Variants in AEBP2 observed in about 807,000 individuals in gnomAD.
AEBP2 encodes the protein zinc finger protein AEBP2.
Under a neutral mutation model 50.8 loss-of-function variants are expected in AEBP2, and 10 were observed. That is an observed-to-expected ratio of 0.20 (90% CI 0.12 to 0.33). The LOEUF (loss-of-function observed/expected upper bound fraction) is 0.33. Ranked by LOEUF, AEBP2 falls within the 10% of genes least tolerant of loss-of-function variation. AEBP2 has a pLI of 1.00. For synonymous variants in AEBP2, 296 were observed against 261.3 expected (o/e 1.13, Z -1.28); for missense variants, 570 against 688.0 (o/e 0.83, Z 1.92).
rs1347770164 is a variant in AEBP2 at position 19,500,120 on chromosome 12, G to T, written c.1198G>T (p.Ala400Ser). 1.2e-6 allele frequency: 2 copies of T among 1,606,128 alleles called. No homozygotes were observed. The highest frequency in any genetic ancestry group is 2.7e-5 in the African/African-American group (2 of 74,728). Residue 400 changes from alanine to serine, a missense_variant, in exon 5 of 8, where the codon GCA becomes TCA. By Grantham distance (99) the Ala-to-Ser change is moderately conservative. Transcript: ENST00000266508. ...SLPRPHDFFD[A>S]QTLDAIRHRA... Reference sequence around the variant, plus strand: ...AGCACGGCCACATGATTTCTTCGATGCACAAACACTGGATGCGATAAGACA... The same window carrying T: ...AGCACGGCCACATGATTTCTTCGATTCACAAACACTGGATGCGATAAGACA...
chr12:19,439,070 G>A (rs1361473280), upstream of AEBP2, among the ~76,000 whole-genome samples: 1 of 152,118 alleles, frequency 6.6e-6, no homozygotes, highest in Non-Finnish European at 1.5e-5. Context: ...TCAAACATAG[G>A]GTGTATTAAA....
intron 5 of AEBP2, among the ~76,000 whole-genome samples, chr12:19,509,989 C>T (rs2120585845): frequency 6.6e-6 from 1 of 151,954 alleles, no homozygotes. Context: ...TGCACCATCA[C>T]ACCTGGCTAA....
chr12:19,508,341 G>A (rs1005190975), intron 5 of AEBP2, among the ~76,000 whole-genome samples: 2 of 152,136 alleles, frequency 1.3e-5, no homozygotes, highest in Admixed American at 6.6e-5. Flanking sequence ...GATTATAGGT[G>A]TGAGCCACTG....
In AEBP2 at chr12:19,518,813, T is replaced by C. The variant is rs900403300; in HGVS notation, c.*696T>C. On this transcript the variant is annotated 3_prime_UTR_variant, in exon 8 of 8. Transcript: ENST00000266508. Reference sequence around the variant, plus strand: ...TGCAGTATGTCTGGTGGCTCCCTTTTCAGGACTAGGGCTTTCTCATGGAGT... The same window carrying C: ...TGCAGTATGTCTGGTGGCTCCCTTTCCAGGACTAGGGCTTTCTCATGGAGT... 9.1e-7 allele frequency: 1 copy of C among 1,099,438 alleles called. No homozygotes were observed. The highest frequency in any genetic ancestry group is 1.6e-5 in the African/African-American group (1 of 64,210). The allele number at this position is 1,099,438 out of a possible 1,614,324, so 68.1% of individuals were successfully genotyped here. A position where few individuals can be genotyped will look rare whatever the true frequency, so the allele number is the denominator to read the frequency against.
intron 2 of AEBP2, among the ~76,000 whole-genome samples, chr12:19,472,940 A>G (rs1022716659): frequency 1.3e-5 from 2 of 152,142 alleles, no homozygotes; most frequent in Non-Finnish European, 1.5e-5. Flanking sequence ...AGTAAATACA[A>G]AAATGTAAAT....
intron 5 of AEBP2, among the ~76,000 whole-genome samples, chr12:19,508,440 TC>T (rs1361113171): frequency 6.6e-6 from 1 of 152,190 alleles, no homozygotes; most frequent in African/African-American, 2.4e-5. Context: ...TAATATGTTT[TC>T]AGGATTACAA....
intron 1 of AEBP2, among the ~76,000 whole-genome samples, chr12:19,444,629 A>G (rs542710912): frequency 1.3e-5 from 2 of 152,318 alleles, no homozygotes; most frequent in African/African-American, 2.4e-5. Flanking sequence ...TTCCTCAACT[A>G]CAAAACAGGT....
At chr12:19,480,625 C>G (rs1372243585) in intron 3 of AEBP2, among the ~76,000 whole-genome samples, 1 of 152,198 alleles carries the variant, frequency 6.6e-6, no homozygotes, top group Non-Finnish European at 1.5e-5. Flanking sequence ...CCAGTCTCTT[C>G]TGGCTTGTAA....
intron 3 of AEBP2, among the ~76,000 whole-genome samples, chr12:19,486,547 C>T (rs554955565): frequency 7.9e-5 from 12 of 152,034 alleles, no homozygotes; most frequent in Non-Finnish European, 1.5e-4. Flanking sequence ...TGTGCTACCA[C>T]GTCCAGCTAA....
intron 5 of AEBP2, among the ~76,000 whole-genome samples, chr12:19,505,061 G>A (rs1227425591): frequency 1.3e-5 from 2 of 152,264 alleles, no homozygotes; most frequent in South Asian, 2.1e-4. Context: ...ATCTAAATAA[G>A]GATGAAAGAG....
At chr12:19,409,531 G>T (rs2095738177) in intron 1 of AEBP2, among the ~76,000 whole-genome samples, 1 of 152,176 alleles carries the variant, frequency 6.6e-6, no homozygotes, top group South Asian at 2.1e-4. Flanking sequence ...ACTTTGAATG[G>T]ATTTGTTCAG....
chr12:19,457,158 C>T (rs944884345), intron 1 of AEBP2: 85 of 1,597,606 alleles, frequency 5.3e-5, no homozygotes, highest in Non-Finnish European at 6.9e-5. Flanking sequence ...TGTAGGGTGG[C>T]TCAGTGGAAT....
chr12:19,429,656 G>T (rs1301010862), intron 1 of AEBP2, among the ~76,000 whole-genome samples: 2 of 152,056 alleles, frequency 1.3e-5, no homozygotes, highest in Non-Finnish European at 2.9e-5. Flanking sequence ...CCTGACTTTT[G>T]AATGATTGCC....
intron 1 of AEBP2, among the ~76,000 whole-genome samples, chr12:19,431,483 T>C (rs1316539037): frequency 6.6e-6 from 1 of 152,208 alleles, no homozygotes; most frequent in Non-Finnish European, 1.5e-5. Flanking sequence ...GCTATGCTAT[T>C]CACCTTTCAC....
intron 3 of AEBP2, among the ~76,000 whole-genome samples, chr12:19,474,089 C>T (rs1948613498): frequency 6.6e-6 from 1 of 152,114 alleles, no homozygotes; most frequent in South Asian, 2.1e-4. Context: ...TCCTTTCACT[C>T]AGTTTTGAGG....
Position 19,439,921 on chromosome 12 carries a change from G to T in AEBP2, c.222G>T (p.Val74=), listed in dbSNP as rs1023259544. ...GGGGGGGGGG[V]GGGEAETMSE... ...GCGGCGGAGGCGGCGGCGGAGGAGT[G>T]GGGGGCGGCGAGGCAGAGACGATGT... The change falls in exon 1 of 8, where the codon GTG becomes GTT. Residue 74 remains valine (V), a synonymous_variant. Transcript: ENST00000266508. 6.0e-6 allele frequency: 9 copies of T among 1,505,088 alleles called. No homozygotes were observed. The highest frequency in any genetic ancestry group is 2.1e-5 in the Admixed American group (1 of 47,980). 93.2% of individuals were successfully genotyped at this position (1,505,088 alleles called of 1,614,324 possible).
At chr12:19,479,304 G>A (rs1006599399) in intron 3 of AEBP2, among the ~76,000 whole-genome samples, 5 of 152,124 alleles carry the variant, frequency 3.3e-5, no homozygotes, top group African/African-American at 2.4e-5. Context: ...GTTGACTTTC[G>A]GTCTTGATGA....
At chr12:19,405,183 C>T (rs12822829) in intron 1 of AEBP2, among the ~76,000 whole-genome samples, 2,733 of 152,154 alleles carry the variant, frequency 0.018, 40 homozygotes, top group Middle Eastern at 0.065. Context: ...TCCGACTCGT[C>T]CTCCCAAAGT....
chr12:19,440,189 C>G lies in AEBP2; in HGVS notation c.490C>G (p.Pro164Ala). ...GGAGGGCCTGGAGGAGCCCAAGGGACCGCGGGGCAGCCAGGGCGGCGGCGG... is the reference window on the plus strand; with the variant it reads ...GGAGGGCCTGGAGGAGCCCAAGGGAGCGCGGGGCAGCCAGGGCGGCGGCGG... ...GKEGLEEPKG[P>A]RGSQGGGGGG... The change falls in exon 1 of 8, where the codon CCG becomes GCG. Residue 164 changes from proline to alanine, a missense_variant. This residue lies in a region of AEBP2 where 386 missense variants were observed against 336.8 expected (regional missense o/e 1.15). Coordinates refer to ENST00000266508, the MANE Select transcript of AEBP2 (RefSeq NM_153207.5). The G allele has an allele frequency of 1.4e-6, 2 of 1,453,610 alleles. No homozygotes were observed. The highest frequency in any genetic ancestry group is 2.8e-5 in the South Asian group (2 of 71,928). 90.0% of individuals were successfully genotyped at this position (1,453,610 alleles called of 1,614,324 possible). A position where few individuals can be genotyped will look rare whatever the true frequency, so the allele number is the denominator to read the frequency against.
Sources: allele counts gnomAD v4.1 joint callset (sites outside exome capture counted in the v4.1 genomes callset), GRCh38; gene constraint gnomAD v4.1.1; regional missense constraint gnomAD v4.1.1; transcripts MANE v1.5; gene names NCBI Gene and HGNC (gene_info 2026-07-23, HGNC 2026-07-21).